GPC6: variants seen among roughly 807,000 people sequenced by gnomAD.
GPC6 encodes glypican 6.
In GPC6, 14 loss-of-function variants were observed where a neutral mutation model predicts 55.2. The observed-to-expected ratio is 0.25, with a 90% CI of 0.17 to 0.40. The LOEUF (loss-of-function observed/expected upper bound fraction) is 0.40, where lower values mean the gene tolerates loss of function less well. GPC6 is among the 10% of genes least tolerant of loss of function. The pLI, the probability that GPC6 is intolerant of heterozygous loss-of-function variation, is 1.00. For synonymous variants in GPC6, 278 were observed against 259.6 expected, an observed-to-expected ratio of 1.07 and a Z score of -0.68; for missense variants, 641 against 708.5, an observed-to-expected ratio of 0.90 and a Z score of 1.08.
chr13:94,340,957 A>G (rs533558547), intron 6 of GPC6, among the ~76,000 whole-genome samples: 36 of 152,372 alleles, frequency 2.4e-4, no homozygotes, highest in South Asian at 1.9e-3. Flanking sequence ...ACTGAGAAAC[A>G]TCTGGAAGGC....
intron 1 of GPC6, among the ~76,000 whole-genome samples, chr13:93,337,350 A>G (rs1012209619): frequency 3.9e-5 from 6 of 152,172 alleles, no homozygotes; most frequent in Non-Finnish European, 8.8e-5. Flanking sequence ...TATGCTACCT[A>G]CTACTAGTCT....
intron 4 of GPC6, among the ~76,000 whole-genome samples, chr13:94,252,661 T>C (rs1891391057): frequency 1.3e-5 from 2 of 152,144 alleles, no homozygotes; most frequent in African/African-American, 4.8e-5. Context: ...TTAGTATTAA[T>C]CATGAGGATA....
chr13:94,161,312 T>C (rs1280056492), intron 4 of GPC6, among the ~76,000 whole-genome samples: 1 of 150,906 alleles, frequency 6.6e-6, no homozygotes, highest in Non-Finnish European at 1.5e-5. Context: ...ATAAGAGTGT[T>C]TAAAAATCCC....
intron 6 of GPC6, among the ~76,000 whole-genome samples, chr13:94,365,596 G>A (rs1057209716): frequency 1.3e-5 from 2 of 152,078 alleles, no homozygotes; most frequent in East Asian, 1.9e-4. Context: ...ATGGCAATCC[G>A]TCTCTACCCT....
chr13:93,700,418 C>T (rs1882627928), intron 2 of GPC6, among the ~76,000 whole-genome samples: 1 of 152,078 alleles, frequency 6.6e-6, no homozygotes, highest in African/African-American at 2.4e-5. Flanking sequence ...CCCTGCTCCT[C>T]AATCTGGTGT....
intron 1 of GPC6, among the ~76,000 whole-genome samples, chr13:93,322,457 A>G (rs1190774727): frequency 2.3e-4 from 19 of 81,464 alleles, no homozygotes; most frequent in East Asian, 2.1e-3. Flanking sequence ...TTTTTTTGAG[A>G]TGGAGTTTCG....
intron 3 of GPC6, among the ~76,000 whole-genome samples, chr13:93,946,935 G>A (rs1037300130): frequency 1.3e-5 from 2 of 152,172 alleles, no homozygotes; most frequent in African/African-American, 4.8e-5. Context: ...TGGAATGAAA[G>A]GGTCCTGTCT....
intron 1 of GPC6, among the ~76,000 whole-genome samples, chr13:93,359,418 T>A (rs1473230056): frequency 1.3e-5 from 2 of 152,188 alleles, no homozygotes; most frequent in Admixed American, 6.5e-5. Context: ...AATGGGATAA[T>A]CGTACATTCT....
chr13:93,278,512 ATATTCT>A (rs1438365324), intron 1 of GPC6, among the ~76,000 whole-genome samples: 40 of 152,316 alleles, frequency 2.6e-4, no homozygotes, highest in South Asian at 2.1e-3. Context: ...TCATAAAGAA[ATATTCT>A]TATAAGACAT....
At chr13:94,266,048 C>CTAT (rs929589242) in intron 4 of GPC6, among the ~76,000 whole-genome samples, 4 of 152,094 alleles carry the variant, frequency 2.6e-5, no homozygotes, top group African/African-American at 9.7e-5. Flanking sequence ...GGTGTCTAAC[C>CTAT]TATTATTCTT....
chr13:93,826,112 G>A (rs941421334), intron 2 of GPC6, among the ~76,000 whole-genome samples: 15 of 151,696 alleles, frequency 9.9e-5, no homozygotes, highest in East Asian at 5.9e-4. Flanking sequence ...TGCCCACCTC[G>A]GCCTCCCAAA....
rs1473936952 is a variant in GPC6, at chr13:93,457,652, T to C, written c.161-87611T>C. Among the ~76,000 whole-genome samples the C allele has an allele frequency of 6.6e-5, 10 of 152,176 alleles. No homozygotes were observed. In the East Asian group the frequency reaches 1.5e-3, roughly 24 times the overall value. On this transcript the variant is annotated intron_variant, in intron 1 of 8. Coordinates refer to ENST00000377047, the MANE Select transcript of GPC6 (RefSeq NM_005708.5). ...AAGGTTTAGGACCAGCAAAAAAAAA[T>C]TTGTACTGGAAAGTGATGCATGTCT...
intron 3 of GPC6, among the ~76,000 whole-genome samples, chr13:93,955,276 CA>C (rs1879459395): frequency 6.6e-6 from 1 of 150,788 alleles, no homozygotes; most frequent in Non-Finnish European, 1.5e-5. Context: ...CACACACACA[CA>C]CACACACACA....
chr13:93,576,135 A>G (rs1876652626), intron 2 of GPC6, among the ~76,000 whole-genome samples: 1 of 152,062 alleles, frequency 6.6e-6, no homozygotes, highest in South Asian at 2.1e-4. Flanking sequence ...TGTCTCTTCT[A>G]TTTGTTATGT....
intron 3 of GPC6, among the ~76,000 whole-genome samples, chr13:93,954,915 G>A (rs1172340859): frequency 6.6e-6 from 1 of 152,122 alleles, no homozygotes; most frequent in East Asian, 1.9e-4. Context: ...GGAACAAAGA[G>A]ACTTGTCACA....
At chr13:93,251,005 G>T (rs1876768542) in intron 1 of GPC6, among the ~76,000 whole-genome samples, 1 of 152,098 alleles carries the variant, frequency 6.6e-6, no homozygotes, top group Non-Finnish European at 1.5e-5. Flanking sequence ...CAAGCGAAAG[G>T]GGTTTGCTCT....
chr13:94,051,908 A>C (rs1017972577), intron 4 of GPC6, among the ~76,000 whole-genome samples: 1 of 152,190 alleles, frequency 6.6e-6, no homozygotes, highest in African/African-American at 2.4e-5. Context: ...AAATATATGA[A>C]AGTGTTTTGA....
chr13:93,396,477 C>T (rs1875862282), intron 1 of GPC6, among the ~76,000 whole-genome samples: 1 of 151,926 alleles, frequency 6.6e-6, no homozygotes, highest in African/African-American at 2.4e-5. Flanking sequence ...GCAGGAGAAT[C>T]GCTTGAACCC....
chr13:93,511,706 G>T (rs975161823), intron 1 of GPC6, among the ~76,000 whole-genome samples: 7 of 152,006 alleles, frequency 4.6e-5, no homozygotes, highest in African/African-American at 1.7e-4. Flanking sequence ...ATTCTATGAA[G>T]AATGACATTG....
Sources: allele counts gnomAD v4.1 joint callset (sites outside exome capture counted in the v4.1 genomes callset), GRCh38; gene constraint gnomAD v4.1.1; transcripts MANE v1.5; gene names NCBI Gene and HGNC (gene_info 2026-07-23, HGNC 2026-07-21).